The following CAMK2D variants were observed in gnomAD, a reference collection of about 807,000 sequenced individuals.
CAMK2D encodes calcium/calmodulin dependent protein kinase II delta, also known as calcium/calmodulin-dependent protein kinase type II subunit delta.
A neutral mutation model predicts 84.0 loss-of-function variants in CAMK2D; 37 were observed. The observed-to-expected ratio is 0.44, with a 90% confidence interval of 0.34 to 0.58. CAMK2D has a LOEUF of 0.58. Among genes scored for constraint, CAMK2D ranks in the 20% least tolerant of loss-of-function variants. The probability of loss-of-function intolerance (pLI) is 0.02; values close to 1 mark genes in which losing one functional copy is unlikely to be tolerated. For synonymous variants in CAMK2D, 202 were observed against 212.5 expected (o/e 0.95, Z 0.43); for missense variants, 448 against 652.5 (o/e 0.69, Z 3.41).
At chr4:113,636,317 T>C (rs1309273503) in intron 3 of CAMK2D, among the ~76,000 whole-genome samples, 1 of 152,172 alleles carries the variant, frequency 6.6e-6, no homozygotes, top group Non-Finnish European at 1.5e-5. Context: ...CTGTGTTCTA[T>C]TTCCATTGCT....
intron 3 of CAMK2D, among the ~76,000 whole-genome samples, chr4:113,618,931 G>A (rs948264972): frequency 1.3e-5 from 2 of 152,146 alleles, no homozygotes; most frequent in Non-Finnish European, 2.9e-5. Flanking sequence ...GGTCAATGAT[G>A]TTTCTAAAGT....
At chr4:113,759,914 T>C (rs1417355907) in intron 1 of CAMK2D, among the ~76,000 whole-genome samples, 3 of 152,194 alleles carry the variant, frequency 2.0e-5, no homozygotes, top group Non-Finnish European at 4.4e-5. Flanking sequence ...CTCTATGCCT[T>C]GTTTTGGACT....
At chr4:113,687,629 C>T (rs561161209) in intron 2 of CAMK2D, among the ~76,000 whole-genome samples, 2 of 152,268 alleles carry the variant, frequency 1.3e-5, no homozygotes, top group South Asian at 2.1e-4. Flanking sequence ...AGGAAACTTT[C>T]GGTCTCTAAG....
chr4:113,474,456 T>C (rs1194071199), intron 16 of CAMK2D, among the ~76,000 whole-genome samples: 6 of 150,348 alleles, frequency 4.0e-5, no homozygotes. Flanking sequence ...ATGAGACCAA[T>C]TAGTCATAAA....
intron 3 of CAMK2D, among the ~76,000 whole-genome samples, chr4:113,643,798 A>G (rs2099141377): frequency 6.6e-6 from 1 of 152,204 alleles, no homozygotes; most frequent in Admixed American, 6.5e-5. Flanking sequence ...ATAAGGGCCA[A>G]CAAGTTCAGA....
intron 2 of CAMK2D, among the ~76,000 whole-genome samples, chr4:113,717,301 T>TA (rs1423387370): frequency 6.6e-6 from 1 of 152,068 alleles, no homozygotes; most frequent in South Asian, 2.1e-4. Flanking sequence ...AAATGTTTAT[T>TA]AAAAAAATAA....
At chr4:113,485,661 C>G (rs574533402) in intron 16 of CAMK2D, among the ~76,000 whole-genome samples, 3 of 152,302 alleles carry the variant, frequency 2.0e-5, no homozygotes, top group South Asian at 4.1e-4. Context: ...CTGCTTAAAA[C>G]TTTCTGATAT....
At chr4:113,587,716 T>A (rs907546259) in intron 4 of CAMK2D, among the ~76,000 whole-genome samples, 1 of 152,138 alleles carries the variant, frequency 6.6e-6, no homozygotes, top group African/African-American at 2.4e-5. Context: ...TAACAGTCAG[T>A]TATAAAGTTT....
chr4:113,745,063 G>A (rs1399961460), intron 2 of CAMK2D, among the ~76,000 whole-genome samples: 3 of 152,156 alleles, frequency 2.0e-5, no homozygotes, highest in Non-Finnish European at 4.4e-5. Flanking sequence ...GAATCTCAGT[G>A]TCTCTCATAA....
chr4:113,761,330 A>C lies in CAMK2D; in HGVS notation c.-262T>G. On this transcript the variant is annotated 5_prime_UTR_variant, in exon 1 of 21. Transcript: ENST00000511664. ...GCCTCGCTTCCTTCTTCTCCACTGG[A>C]CGCTCCACCCGCCCCTTTTCCAGTC... The C allele has an allele frequency of 1.3e-5, 18 of 1,398,112 alleles. No homozygotes were observed. The highest frequency in any genetic ancestry group is 1.6e-5 in the Non-Finnish European group (17 of 1,076,646). 86.6% of individuals were successfully genotyped at this position (1,398,112 alleles called of 1,614,324 possible). A position where few individuals can be genotyped will look rare whatever the true frequency, so the allele number is the denominator to read the frequency against.
intron 4 of CAMK2D, among the ~76,000 whole-genome samples, chr4:113,559,297 G>C (rs565740530): frequency 7.9e-5 from 12 of 152,128 alleles, no homozygotes; most frequent in Non-Finnish European, 1.8e-4. Context: ...CAATACCTAT[G>C]CTATCTCTTG....
chr4:113,503,574 A>G (rs1481495394), intron 14 of CAMK2D, among the ~76,000 whole-genome samples: 1 of 152,212 alleles, frequency 6.6e-6, no homozygotes, highest in African/African-American at 2.4e-5. Flanking sequence ...GGGACTAATC[A>G]TGAACTAGAA....
intron 3 of CAMK2D, among the ~76,000 whole-genome samples, chr4:113,632,097 A>C (rs10000007): frequency 0.092 from 13,929 of 152,210 alleles, 1,910 homozygotes; most frequent in African/African-American, 0.3. Flanking sequence ...CACTTATTAT[A>C]CAATCAAAGC....
At chr4:113,515,238 G>A (rs755668841) in intron 9 of CAMK2D, 47 bp from the exon 10 acceptor site, 6 of 1,347,162 alleles carry the variant, frequency 4.5e-6, no homozygotes, top group Admixed American at 2.1e-5. Flanking sequence ...AGACACACTC[G>A]ATCAAACAGG....
chr4:113,480,913 G>A (rs2097693877), intron 16 of CAMK2D, among the ~76,000 whole-genome samples: 1 of 152,134 alleles, frequency 6.6e-6, no homozygotes, highest in Admixed American at 6.5e-5. Flanking sequence ...CACAGCAAGA[G>A]GTGCCATTTT....
At chr4:113,523,516 C>T (rs1003968125) in intron 8 of CAMK2D, among the ~76,000 whole-genome samples, 12 of 152,088 alleles carry the variant, frequency 7.9e-5, no homozygotes, top group Non-Finnish European at 1.5e-4. Flanking sequence ...CACACACTTT[C>T]AATCCCAGCA....
chr4:113,477,571 C>T (rs369421164), intron 16 of CAMK2D, among the ~76,000 whole-genome samples: 2 of 151,754 alleles, frequency 1.3e-5, no homozygotes, highest in Non-Finnish European at 2.9e-5. Flanking sequence ...CATGGTAAAG[C>T]CCTATCTCTA....
At chr4:113,518,498 G>A (rs2098314933) in intron 8 of CAMK2D, among the ~76,000 whole-genome samples, 1 of 152,050 alleles carries the variant, frequency 6.6e-6, no homozygotes, top group African/African-American at 2.4e-5. Flanking sequence ...TTGATACAGT[G>A]GTCTTCTCTG....
At chr4:113,592,691 T>C (rs1056920078) in intron 4 of CAMK2D, among the ~76,000 whole-genome samples, 1 of 152,108 alleles carries the variant, frequency 6.6e-6, no homozygotes, top group African/African-American at 2.4e-5. Context: ...CAACCTATAA[T>C]ATATAAGAAA....
Sources: gnomAD v4.1 joint callset for allele counts (sites outside exome capture counted in the v4.1 genomes callset) on GRCh38, gnomAD v4.1.1 for gene constraint, MANE v1.5 for transcripts, NCBI Gene and HGNC (gene_info 2026-07-23, HGNC 2026-07-21) for gene names.